CCDC141: variants seen among roughly 807,000 people sequenced by gnomAD.
CCDC141 encodes coiled-coil domain containing 141, also known as coiled-coil domain-containing protein 141.
A neutral mutation model predicts 181.0 loss-of-function variants in CCDC141; 168 were observed. That is an observed-to-expected ratio of 0.93 (90% confidence interval 0.82 to 1.05). CCDC141 has a LOEUF of 1.05. Ranked by LOEUF, CCDC141 falls within the 50% of genes least tolerant of loss-of-function variation. The pLI is 0.00. For missense variants in CCDC141, 1,902 were observed against 1,788.5 expected (o/e 1.06, Z -1.14); for synonymous variants, 666 against 642.3 (o/e 1.04, Z -0.56).
chr2:179,014,383 C>T (rs923510214), intron 2 of CCDC141, among the ~76,000 whole-genome samples: 2 of 152,056 alleles, frequency 1.3e-5, no homozygotes, highest in African/African-American at 4.8e-5. Flanking sequence ...TGACCAAGAA[C>T]CCAAAAGCAA....
the CCDC141 span, among the ~76,000 whole-genome samples, chr2:178,820,857 T>G: frequency 6.6e-6 from 1 of 152,196 alleles, no homozygotes; most frequent in Admixed American, 6.5e-5. Flanking sequence ...GTGGACATTT[T>G]GATAGCCCTT....
intron 17 of CCDC141, among the ~76,000 whole-genome samples, chr2:178,862,620 CTT>C (rs1685671198): frequency 6.6e-6 from 1 of 152,088 alleles, no homozygotes; most frequent in Admixed American, 6.6e-5. Context: ...ACAAATGTAT[CTT>C]TGTGTGAAAT....
rs1686116738 is a variant in CCDC141 at position 178,871,427 on chromosome 2, C to T, written c.2205G>A (p.Gln735=). ...CAAATCCAGCAATATATTTCTTCACCTGGAACTGAGGCTTCATGTCATTCC... is the reference window on the plus strand; with the variant it reads ...CAAATCCAGCAATATATTTCTTCACTTGGAACTGAGGCTTCATGTCATTCC... ...QKWNDMKPQF[Q]QLNDEVQYIM... is the part of the protein sequence containing the mutation. The change falls in exon 14 of 24, where the codon CAG becomes CAA. Residue 735 remains glutamine, a splice_region_variant and synonymous_variant. Coordinates refer to ENST00000443758, the MANE Select transcript of CCDC141 (RefSeq NM_173648.4). 1 of 1,611,968 alleles carries T rather than the reference C, an allele frequency of 6.2e-7. No individual in the cohort carries two copies. The highest frequency in any genetic ancestry group is 1.1e-5 in the South Asian group (1 of 90,496).
chr2:178,836,741 G>A, intron 23 of CCDC141, 153 bp downstream of exon 23: 2 of 747,576 alleles, frequency 2.7e-6, no homozygotes, highest in South Asian at 4.0e-5. Flanking sequence ...ACTAAAATGA[G>A]AGGGGTCTGA....
downstream of CCDC141, chr2:178,825,279 C>G (rs1684106770): frequency 1.3e-5 from 2 of 152,064 alleles, no homozygotes; most frequent in African/African-American, 4.8e-5. Context: ...TACTAGCAGC[C>G]AGGGCCCATC....
At chr2:178,962,016 G>A (rs1289951908) in intron 4 of CCDC141, among the ~76,000 whole-genome samples, 3 of 152,126 alleles carry the variant, frequency 2.0e-5, no homozygotes, top group Non-Finnish European at 2.9e-5. Context: ...AGTGTTGATG[G>A]AACTTCCAAT....
rs1177070237 is a variant in CCDC141 at position 179,015,067 on chromosome 2, G to GATATATATATATAT, written c.225+32203_225+32216dup. 4.6e-3 allele frequency among the ~76,000 whole-genome samples: 180 copies of GATATATATATATAT among 39,478 alleles called. 2 individuals are homozygous for GATATATATATATAT. Among genetic ancestry groups the GATATATATATATAT allele is most frequent in the Non-Finnish European group, 5.4e-3 (81 of 15,138 alleles). 25.9% of individuals were successfully genotyped at this position (39,478 alleles called of 152,430 possible). ...GTGGATAAACTGTGAGAGAGACAGA[G>GATATATATATATAT]ATATATATATATATATATATATATA... On this transcript the variant is annotated intron_variant, in intron 2 of 23. Coordinates refer to ENST00000443758, the MANE Select transcript of CCDC141 (RefSeq NM_173648.4).
At chr2:178,878,391 T>C (rs1416760077) in intron 11 of CCDC141, among the ~76,000 whole-genome samples, 1 of 151,162 alleles carries the variant, frequency 6.6e-6, no homozygotes, top group East Asian at 1.9e-4. Context: ...CCCAAACTCT[T>C]GGGGTCAAGC....
intron 2 of CCDC141, among the ~76,000 whole-genome samples, chr2:179,007,507 C>A (rs184890376): frequency 8.1e-4 from 124 of 152,272 alleles, no homozygotes; most frequent in Non-Finnish European, 2.9e-4. Flanking sequence ...TGAACAGAGT[C>A]AACTGTCAAT....
chr2:178,953,460 T>C (rs948730250), intron 5 of CCDC141, among the ~76,000 whole-genome samples: 3 of 151,750 alleles, frequency 2.0e-5, no homozygotes, highest in African/African-American at 7.3e-5. Flanking sequence ...AATGCTCATA[T>C]TCTATCAACC....
At chr2:178,840,724 C>T (rs1393747326) in intron 22 of CCDC141, among the ~76,000 whole-genome samples, 1 of 152,174 alleles carries the variant, frequency 6.6e-6, no homozygotes, top group African/African-American at 2.4e-5. Flanking sequence ...TAGAAAAGTC[C>T]AAGCCATCCA....
intron 3 of CCDC141, among the ~76,000 whole-genome samples, chr2:178,978,096 C>T (rs763662044): frequency 1.3e-5 from 2 of 152,136 alleles, no homozygotes; most frequent in African/African-American, 2.4e-5. Flanking sequence ...AAATTTTATT[C>T]TCCAACTTTT....
chr2:178,850,206 A>C, intron 20 of CCDC141, 45 bp from the exon 21 acceptor site: 1 of 1,016,146 alleles, frequency 9.8e-7, no homozygotes, highest in Non-Finnish European at 1.6e-6. Flanking sequence ...TCAAATTTTT[A>C]GCAAGAAGAA....
intron 5 of CCDC141, among the ~76,000 whole-genome samples, chr2:178,953,075 T>C (rs1178559318): frequency 6.6e-6 from 1 of 152,068 alleles, no homozygotes; most frequent in East Asian, 1.9e-4. Context: ...CAACTCCAAG[T>C]AGTTGGAGTC....
intron 17 of CCDC141, among the ~76,000 whole-genome samples, chr2:178,861,809 C>T (rs1685633645): frequency 6.6e-6 from 1 of 152,110 alleles, no homozygotes; most frequent in Non-Finnish European, 1.5e-5. Context: ...ACAGAAGCCA[C>T]ATTAACACAT....
intron 22 of CCDC141, among the ~76,000 whole-genome samples, chr2:178,841,158 T>C (rs2154366198): frequency 6.6e-6 from 1 of 152,344 alleles, no homozygotes; most frequent in South Asian, 2.1e-4. Context: ...GATGAAAATG[T>C]TGAACACTGC....
intron 6 of CCDC141, among the ~76,000 whole-genome samples, chr2:178,941,128 C>T (rs1689491998): frequency 6.6e-6 from 1 of 152,208 alleles, no homozygotes; most frequent in African/African-American, 2.4e-5. Context: ...CTGGCTTACA[C>T]ATTATGAGGA....
At chr2:179,030,346 A>T (rs2042968264) in intron 2 of CCDC141, among the ~76,000 whole-genome samples, 1 of 152,102 alleles carries the variant, frequency 6.6e-6, no homozygotes, top group Admixed American at 6.5e-5. Context: ...AAGCAAAACT[A>T]ACTATGGCAT....
chr2:178,957,665 CTAAGA>C (rs1559006593), intron 5 of CCDC141, among the ~76,000 whole-genome samples: 2 of 152,220 alleles, frequency 1.3e-5, no homozygotes, highest in South Asian at 2.1e-4. Flanking sequence ...TTGGAAGCAA[CTAAGA>C]TGTCAGTAGA....
Sources: allele counts gnomAD v4.1 joint callset (sites outside exome capture counted in the v4.1 genomes callset), GRCh38; gene constraint gnomAD v4.1.1; transcripts MANE v1.5; gene names NCBI Gene and HGNC (gene_info 2026-07-23, HGNC 2026-07-21).